SETBP1: variants seen among roughly 807,000 people sequenced by gnomAD.
SETBP1 encodes the protein SET binding protein 1.
SETBP1 carries 9 observed loss-of-function variants against 101.0 expected under a neutral mutation model. The observed-to-expected ratio is 0.09, with a 90% CI of 0.05 to 0.16. The LOEUF is 0.16. SETBP1 is among the 10% of genes least tolerant of loss of function. The pLI is 1.00. For synonymous variants in SETBP1, 818 were observed against 788.5 expected (o/e 1.04, Z -0.63); for missense variants, 1,858 against 2,033.8 (o/e 0.91, Z 1.66).
At chr18:44,837,888 A>G (rs2144505232) in intron 2 of SETBP1, among the ~76,000 whole-genome samples, 1 of 152,336 alleles carries the variant, frequency 6.6e-6, no homozygotes, top group African/African-American at 2.4e-5. Flanking sequence ...GTGTATACAG[A>G]GACATATGCA....
chr18:44,963,128 T>C (rs1381140467), intron 4 of SETBP1, among the ~76,000 whole-genome samples: 1 of 152,160 alleles, frequency 6.6e-6, no homozygotes, highest in Non-Finnish European at 1.5e-5. Flanking sequence ...ATCCTGGAAT[T>C]TTCCTAGCAT....
chr18:44,880,251 G>A (rs975813733), intron 3 of SETBP1, among the ~76,000 whole-genome samples: 4 of 152,208 alleles, frequency 2.6e-5, no homozygotes, highest in African/African-American at 9.6e-5. Context: ...ATTTAATGGG[G>A]CATTGGGGGA....
chr18:44,870,463 G>T (rs934782654), intron 3 of SETBP1: 10 of 152,224 alleles, frequency 6.6e-5, no homozygotes, highest in Admixed American at 5.9e-4. Context: ...CCAGTGTGGG[G>T]TGTTGTCATC....
intron 4 of SETBP1, among the ~76,000 whole-genome samples, chr18:45,013,676 G>A (rs1475217631): frequency 3.3e-5 from 5 of 152,144 alleles, no homozygotes; most frequent in Non-Finnish European, 5.9e-5. Context: ...CTGACCTCAT[G>A]ATCCGCCTGC....
intron 5 of SETBP1, among the ~76,000 whole-genome samples, chr18:45,048,978 C>CAAAAAAAAAAAAAAAAAAAA (rs71177665): frequency 2.1e-5 from 1 of 46,636 alleles, no homozygotes; most frequent in Non-Finnish European, 3.9e-5. Context: ...GACTCCGTCT[C>CAAAAAAAAAAAAAAAAAAAA]AAAAAAAAAA....
At chr18:44,938,783 C>A (rs187091475) in intron 3 of SETBP1, among the ~76,000 whole-genome samples, 1 of 152,172 alleles carries the variant, frequency 6.6e-6, no homozygotes, top group Non-Finnish European at 1.5e-5. Context: ...GCCACCAGCA[C>A]CTGTCTTCTT....
chr18:44,694,897 AG>A (rs2068990032), intron 1 of SETBP1, among the ~76,000 whole-genome samples: 1 of 152,238 alleles, frequency 6.6e-6, no homozygotes. Context: ...TTTGACAAGA[AG>A]TATGACCCAT....
At chr18:44,974,009 TACC>T (rs2071929753) in intron 4 of SETBP1, among the ~76,000 whole-genome samples, 1 of 152,330 alleles carries the variant, frequency 6.6e-6, no homozygotes, top group Admixed American at 6.5e-5. Context: ...TGCTGGTCAA[TACC>T]TATGTAAAAT....
intron 2 of SETBP1, among the ~76,000 whole-genome samples, chr18:44,826,601 G>A (rs571441187): frequency 1.3e-5 from 2 of 152,298 alleles, no homozygotes; most frequent in South Asian, 2.1e-4. Context: ...CAAGAGCAGG[G>A]AGGACTGAAT....
chr18:44,850,325 T>C (rs1014081740), intron 2 of SETBP1, among the ~76,000 whole-genome samples: 6 of 152,172 alleles, frequency 3.9e-5, no homozygotes, highest in African/African-American at 1.4e-4. Context: ...ACCCAGGTCA[T>C]GTGTACAAAG....
chr18:44,851,225 A>G (rs957249173), intron 2 of SETBP1, among the ~76,000 whole-genome samples: 2 of 152,260 alleles, frequency 1.3e-5, no homozygotes, highest in African/African-American at 4.8e-5. Flanking sequence ...TGGCATAGAT[A>G]GAACATGGTA....
chr18:44,859,944 A>G (rs1165228088), intron 2 of SETBP1, among the ~76,000 whole-genome samples: 1 of 152,172 alleles, frequency 6.6e-6, no homozygotes, highest in South Asian at 2.1e-4. Context: ...TTCTCTGCCA[A>G]ATTGGCTCCA....
chr18:45,015,722 C>T (rs1429506205), intron 4 of SETBP1, among the ~76,000 whole-genome samples: 1 of 152,168 alleles, frequency 6.6e-6, no homozygotes, highest in Non-Finnish European at 1.5e-5. Flanking sequence ...TGATAAAAGG[C>T]AATGAGGGAG....
intron 3 of SETBP1, chr18:44,871,118 A>G (rs1157920350): frequency 2.6e-5 from 4 of 151,996 alleles, no homozygotes; most frequent in Admixed American, 1.3e-4. Context: ...ATAAATGCCT[A>G]TTTTTCACTC....
intron 3 of SETBP1, among the ~76,000 whole-genome samples, chr18:44,921,848 C>G (rs2070588651): frequency 6.6e-6 from 1 of 152,162 alleles, no homozygotes; most frequent in Admixed American, 6.5e-5. Context: ...CTTTTCCCAG[C>G]TGGAACAAGG....
intron 4 of SETBP1, among the ~76,000 whole-genome samples, chr18:45,016,580 A>G (rs1050270688): frequency 5.9e-5 from 9 of 152,190 alleles, no homozygotes; most frequent in Non-Finnish European, 8.8e-5. Flanking sequence ...ACACGTTTTC[A>G]GATTTATTTG....
chr18:45,030,464 A>G (rs1327225026), intron 4 of SETBP1, among the ~76,000 whole-genome samples: 1 of 132,816 alleles, frequency 7.5e-6, no homozygotes, highest in Non-Finnish European at 1.6e-5. Flanking sequence ...ATATTGGTCT[A>G]AAATTCTCTT....
In SETBP1 at chr18:44,757,291, A is replaced by T. The variant is rs549550034; in HGVS notation, c.486+55459A>T. Among the ~76,000 whole-genome samples, 3 of 152,318 alleles carry T rather than the reference A, an allele frequency of 2.0e-5. No individual in the cohort carries two copies. In the South Asian group the frequency reaches 6.2e-4, roughly 32 times the overall value. ...TTGTCCGTGAAAAATGTATGATCTG[A>T]ATTAAATACACTTAGTCTCCATTAG... On this transcript the variant is annotated intron_variant, in intron 2 of 5. Transcript: ENST00000649279.
chr18:44,748,298 A>C (rs930701941), intron 2 of SETBP1, among the ~76,000 whole-genome samples: 4 of 152,262 alleles, frequency 2.6e-5, no homozygotes, highest in African/African-American at 4.8e-5. Context: ...AGTTAGTATA[A>C]AAGATGATCT....
Sources: gnomAD v4.1 joint callset for allele counts (sites outside exome capture counted in the v4.1 genomes callset) on GRCh38, gnomAD v4.1.1 for gene constraint, MANE v1.5 for transcripts, NCBI Gene and HGNC (gene_info 2026-07-23, HGNC 2026-07-21) for gene names.